The following CALCA variants were observed in gnomAD, a reference collection of about 807,000 sequenced individuals.
CALCA encodes calcitonin.
Under a neutral mutation model 6.9 loss-of-function variants are expected in CALCA, and 4 were observed. That is an observed-to-expected ratio of 0.58 (90% CI 0.29 to 1.33). The LOEUF is 1.33. CALCA is among the 40% of genes most tolerant of loss of function. The probability of loss-of-function intolerance (pLI) is 0.09; values close to 1 mark genes in which losing one functional copy is unlikely to be tolerated. For missense variants in CALCA, 174 were observed against 178.3 expected, an observed-to-expected ratio of 0.98 and a Z score of 0.14; for synonymous variants, 78 against 70.0, an observed-to-expected ratio of 1.11 and a Z score of -0.57.
At chr11:14,967,925 G>A, downstream of CALCA, 6 of 1,567,126 alleles carry the variant, frequency 3.8e-6, no homozygotes, top group Non-Finnish European at 5.3e-6. Flanking sequence ...AGCCCCATGG[G>A]ACCTTCATGG....
Position 14,968,662 on chromosome 11 carries a change from T to A in CALCA, c.*137A>T, listed in dbSNP as rs1849512765. The A allele has an allele frequency of 3.1e-6, 5 of 1,604,724 alleles. No homozygotes were observed. The highest frequency in any genetic ancestry group is 4.3e-6 in the Non-Finnish European group (5 of 1,176,102). On this transcript the variant is annotated 3_prime_UTR_variant, in exon 4 of 4. Transcript: ENST00000331587. ...GTGAGTCCTGCTCTCTTTCCTCCCATCTGAAGTTTGAGACATCCTCTGCCA... is the reference window on the plus strand; with the variant it reads ...GTGAGTCCTGCTCTCTTTCCTCCCAACTGAAGTTTGAGACATCCTCTGCCA...
intron 3 of CALCA, 76 bp from the exon 4 acceptor site, chr11:14,969,073 C>T: frequency 7.2e-7 from 1 of 1,391,308 alleles, no homozygotes; most frequent in Non-Finnish European, 1.0e-6. Context: ...GAAGGTTAGA[C>T]CAGGCAGGGG....
downstream of CALCA, chr11:14,967,085 T>C (rs56147952): frequency 2.0e-5 from 3 of 153,838 alleles, no homozygotes; most frequent in Non-Finnish European, 4.3e-5. Context: ...TTAAAAGGAG[T>C]TCAGCTTTAT....
At chr11:14,968,357 C>T (rs1333695740), downstream of CALCA, 1 of 867,430 alleles carries the variant, frequency 1.2e-6, no homozygotes. Context: ...GACCCCTGTT[C>T]TTCCTGCTTG....
At chr11:14,969,253 T>C (rs1555025952) in intron 3 of CALCA, among the ~76,000 whole-genome samples, 1 of 151,884 alleles carries the variant, frequency 6.6e-6, no homozygotes. Flanking sequence ...GACAGAGGGG[T>C]TCTCAGGGCA....
intron 2 of CALCA, among the ~76,000 whole-genome samples, 183 bp from the exon 3 acceptor site, chr11:14,970,258 A>T (rs1555026238): frequency 2.6e-5 from 4 of 152,234 alleles, no homozygotes; most frequent in Non-Finnish European, 5.9e-5. Flanking sequence ...GCCTCTAAAC[A>T]GTGGTGTGCT....
Position 14,968,797 on chromosome 11 carries a change from G to T in CALCA, c.*2C>A. The T allele has an allele frequency of 5.0e-6, 8 of 1,614,160 alleles. No individual in the cohort carries two copies. The highest frequency in any genetic ancestry group is 6.8e-6 in the Non-Finnish European group (8 of 1,180,016). ...GGGAAATTAGGAAGGAAAGGGAGGA[G>T]TTTAGTTGGCATTCTGGGGCATGCT... On this transcript the variant is annotated 3_prime_UTR_variant, in exon 4 of 4. Transcript: ENST00000331587.
chr11:14,967,685 A>G (rs1555025608), downstream of CALCA: 7 of 1,613,968 alleles, frequency 4.3e-6, no homozygotes, highest in Non-Finnish European at 5.9e-6. Flanking sequence ...TTCTTGAGTC[A>G]TTCAGCTGCT....
chr11:14,969,410 TG>T (rs782166172), intron 3 of CALCA, among the ~76,000 whole-genome samples: 21 of 152,242 alleles, frequency 1.4e-4, no homozygotes, highest in East Asian at 7.7e-4. Context: ...TCTCCACAGA[TG>T]CCACACATTT....
downstream of CALCA, chr11:14,967,928 C>G: frequency 6.4e-7 from 1 of 1,566,518 alleles, no homozygotes; most frequent in Non-Finnish European, 8.8e-7. Flanking sequence ...CCCATGGGAC[C>G]TTCATGGTAA....
Position 14,970,067 on chromosome 11 carries a change from A to G in CALCA, c.95T>C (p.Leu32Pro), listed in dbSNP as rs782307920. The change falls in exon 3 of 4, where the codon CTG becomes CCG. Residue 32 changes from leucine (L) to proline (P), a missense_variant. Transcript: ENST00000331587. ...SLHAAPFRSA[L>P]ESSPADPATL... ...GGCCGGGTCTGCTGGGCTGCTCTCC[A>G]GGGCAGACCTGTGGAGGGGAAGCAA... is the stretch of plus-strand genomic sequence containing the variant. 3.8e-5 allele frequency: 61 copies of G among 1,614,088 alleles called. No homozygotes were observed. Among genetic ancestry groups the G allele is most frequent in the Non-Finnish European group, 5.1e-5 (60 of 1,180,042 alleles).
downstream of CALCA, chr11:14,968,483 A>G: frequency 8.0e-7 from 1 of 1,245,528 alleles, no homozygotes; most frequent in Non-Finnish European, 1.0e-6. Context: ...CAGAGCAATG[A>G]CCACCACAGC....
chr11:14,971,664 T>G (rs993900204), intron 1 of CALCA, among the ~76,000 whole-genome samples: 7 of 152,196 alleles, frequency 4.6e-5, no homozygotes, highest in African/African-American at 1.7e-4. Flanking sequence ...AATTGGAATC[T>G]GAGAAATAAA....
rs1272285854 is a variant in CALCA at position 14,971,146 on chromosome 11, A to G, written c.47T>C (p.Val16Ala). 6.2e-7 allele frequency: 1 copy of G among 1,614,100 alleles called. No homozygotes were observed. Among genetic ancestry groups the G allele is most frequent in the Non-Finnish European group, 8.5e-7 (1 of 1,180,020 alleles). ...FSPFLALSIL[V>A]LLQAGSLHAA... ...ATGGAGGCTGCCTGCCTGCAACAGGACCAAGATGCTGAGAGCCAGGAAGGG... is the reference window on the plus strand; with the variant it reads ...ATGGAGGCTGCCTGCCTGCAACAGGGCCAAGATGCTGAGAGCCAGGAAGGG... The change falls in exon 2 of 4, where the codon GTC (valine) becomes GCC (alanine). Residue 16 changes from valine to alanine, a missense_variant. By Grantham distance (64) the Val-to-Ala change is moderately conservative (BLOSUM62 0). Transcript: ENST00000331587.
intron 3 of CALCA, 135 bp downstream of exon 3, chr11:14,969,799 TG>T: frequency 7.3e-7 from 1 of 1,365,426 alleles, no homozygotes; most frequent in Non-Finnish European, 1.0e-6. Flanking sequence ...TGAGAACAGC[TG>T]GGCCCCAGGT....
intron 2 of CALCA, 71 bp from the exon 3 acceptor site, chr11:14,970,146 G>C: frequency 6.3e-7 from 1 of 1,588,672 alleles, no homozygotes; most frequent in South Asian, 1.1e-5. Flanking sequence ...AAGCAGCCAG[G>C]CTTCCTGGTC....
At chr11:14,969,654 G>T (rs1555026009) in intron 3 of CALCA, among the ~76,000 whole-genome samples, 1 of 152,110 alleles carries the variant, frequency 6.6e-6, no homozygotes, top group Non-Finnish European at 1.5e-5. Flanking sequence ...TCCCAGTACT[G>T]CAAGAACAAT....
Position 14,968,939 on chromosome 11 carries a change from A to G in CALCA, c.286T>C (p.Tyr96His). 6.2e-7 allele frequency: 1 copy of G among 1,614,026 alleles called. No individual in the cohort carries two copies. The highest frequency in any genetic ancestry group is 8.5e-7 in the Non-Finnish European group (1 of 1,180,024). The stretch of plus-strand genomic sequence containing the variant: ...TGAAACTTGTTGAAGTCCTGCGTGT[A>G]TGTGCCCAGCATGCAAGTACTCAGA... ...GNLSTCMLGTYTQDFNKFHTF... is the reference protein window; with the variant it reads ...GNLSTCMLGTHTQDFNKFHTF... The change falls in exon 4 of 4, where the codon TAC becomes CAC. Residue 96 changes from tyrosine (Y) to histidine (H), a missense_variant. By Grantham distance (83) the Tyr-to-His change is moderately conservative. Transcript: ENST00000331587.
intron 2 of CALCA, 73 bp from the exon 3 acceptor site, chr11:14,970,148 T>A: frequency 1.3e-6 from 2 of 1,582,386 alleles, no homozygotes; most frequent in Middle Eastern, 3.4e-4. Context: ...GCAGCCAGGC[T>A]TCCTGGTCTT....
Sources: gnomAD v4.1 joint callset for allele counts (sites outside exome capture counted in the v4.1 genomes callset) on GRCh38, gnomAD v4.1.1 for gene constraint, MANE v1.5 for transcripts, NCBI Gene and HGNC (gene_info 2026-07-23, HGNC 2026-07-21) for gene names.